CLTC: variants seen among roughly 807,000 people sequenced by gnomAD.
CLTC encodes clathrin heavy chain, also known as clathrin heavy chain 1.
In CLTC, 16 loss-of-function variants were observed where a neutral mutation model predicts 195.8. That is an observed-to-expected ratio of 0.08 (90% CI 0.06 to 0.12). The LOEUF (loss-of-function observed/expected upper bound fraction) is 0.12. CLTC is among the 10% of genes least tolerant of loss of function. The pLI is 1.00. For missense variants in CLTC, 796 were observed against 2,027.0 expected (o/e 0.39, Z 11.66); for synonymous variants, 667 against 689.4 (o/e 0.97, Z 0.51).
In CLTC at chr17:59,648,564, G is replaced by A. The variant is rs982631720; in HGVS notation, c.681+163G>A. ...TCAAATTTTGCATCTAGTGATACTT[G>A]TCTAAAATGAATAATGTTCTTTCAC... On this transcript the variant is annotated intron_variant, in intron 4 of 31. Transcript: ENST00000269122. The surrounding 1 kb of genome is among the most constrained non-coding windows in gnomAD (Gnocchi z 4.5). 4.8e-6 allele frequency: 3 copies of A among 619,466 alleles called. No homozygotes were observed. The African/African-American group carries it at 5.5e-5, about 11-fold the overall frequency. 38.4% of individuals were successfully genotyped at this position (619,466 alleles called of 1,614,324 possible). A position where few individuals can be genotyped will look rare whatever the true frequency, so the allele number is the denominator to read the frequency against.
In CLTC at chr17:59,668,768, T is replaced by C. The variant is rs367690971; in HGVS notation, c.2129-9T>C. ...CCTATGCTTAATTGTAATTACTTGT[T>C]TCTTTAAGGTCTCTTTTATTTTCTG... On this transcript the variant is annotated splice_polypyrimidine_tract_variant and intron_variant, in intron 13 of 31. Transcript: ENST00000269122. 487 of 1,582,940 alleles carry C rather than the reference T, an allele frequency of 3.1e-4. 2 individuals are homozygous for C. The highest frequency in any genetic ancestry group is 1.9e-3 in the Middle Eastern group (11 of 5,918).
In CLTC at chr17:59,681,135, C is replaced by G. The variant is rs576549373; in HGVS notation, c.3065+78C>G. 4.3e-5 allele frequency: 66 copies of G among 1,526,088 alleles called. No homozygotes were observed. The African/African-American group carries it at 7.7e-4, about 18-fold the overall frequency. 94.5% of individuals were successfully genotyped at this position (1,526,088 alleles called of 1,614,324 possible). A position where few individuals can be genotyped will look rare whatever the true frequency, so the allele number is the denominator to read the frequency against. On this transcript the variant is annotated intron_variant, in intron 19 of 31. Transcript: ENST00000269122. This position sits in a 1 kb window ranked among gnomAD's most constrained non-coding sequence, Gnocchi z 5.0. ...ATGGCCCATCAGTTTTGGGAAGGAA[C>G]AAAAAGATCAGAGAAAGTTGCCTGA...
intron 1 of CLTC, among the ~76,000 whole-genome samples, chr17:59,638,354 C>G (rs2143477766): frequency 6.6e-6 from 1 of 152,108 alleles, no homozygotes; most frequent in East Asian, 1.9e-4. Context: ...AAACAGAAGG[C>G]AATATCTGTT....
At chr17:59,670,578 C>T (rs907594599) in intron 14 of CLTC, among the ~76,000 whole-genome samples, 3 of 152,018 alleles carry the variant, frequency 2.0e-5, no homozygotes, top group African/African-American at 7.2e-5. Flanking sequence ...CTACCAGATT[C>T]TTAAATGATT....
At chr17:59,686,943 T>C (rs1327365378) in intron 30 of CLTC, 1 of 952,558 alleles carries the variant, frequency 1.0e-6, no homozygotes, top group East Asian at 1.1e-4. Context: ...TCTACCTTTT[T>C]ATGCTCAATA....
At chr17:59,686,149 CCT>C (rs1379861881) in intron 30 of CLTC, among the ~76,000 whole-genome samples, 1 of 151,470 alleles carries the variant, frequency 6.6e-6, no homozygotes, top group East Asian at 1.9e-4. Context: ...TTGTAGATTC[CCT>C]TTTATTTGGT....
At position 59,642,944 on chromosome 17, in the gene CLTC, G is replaced by C. The variant is rs2032080138; in HGVS notation, c.43-1332G>C. Reference sequence around the variant, plus strand: ...TATATCTTATTCAGAGCCTGGCCTGGTTATGTTTAAGCACTATTAGCAGAA... The same window carrying C: ...TATATCTTATTCAGAGCCTGGCCTGCTTATGTTTAAGCACTATTAGCAGAA... On this transcript the variant is annotated intron_variant, in intron 1 of 31. Coordinates refer to ENST00000269122, the MANE Select transcript of CLTC (RefSeq NM_004859.4). Among the ~76,000 whole-genome samples, 7 of 152,236 alleles carry C rather than the reference G, an allele frequency of 4.6e-5. No individual in the cohort carries two copies. The South Asian group carries it at 1.5e-3, about 32-fold the overall frequency.
Position 59,681,218 on chromosome 17 carries a change from C to T in CLTC, c.3066-77C>T, listed in dbSNP as rs548498163. 4.0e-6 allele frequency: 6 copies of T among 1,490,114 alleles called. No homozygotes were observed. Among genetic ancestry groups the T allele is most frequent in the African/African-American group, 2.8e-5 (2 of 71,382 alleles). The allele number at this position is 1,490,114 out of a possible 1,614,324, so 92.3% of individuals were successfully genotyped here. A position where few individuals can be genotyped will look rare whatever the true frequency, so the allele number is the denominator to read the frequency against. ...CTACCTCTTGAGACAAAAACCTCTC[C>T]GTTAGTCACAGTGGTTATTTTTTAT... On this transcript the variant is annotated intron_variant, in intron 19 of 31. Transcript: ENST00000269122. This position sits in a 1 kb window ranked among gnomAD's most constrained non-coding sequence, Gnocchi z 5.0.
intron 1 of CLTC, among the ~76,000 whole-genome samples, chr17:59,637,967 T>A (rs2031917684): frequency 1.5e-5 from 2 of 131,972 alleles, no homozygotes; most frequent in East Asian, 2.1e-4. Context: ...TCTCCTCACT[T>A]CCCCAACAAA....
Position 59,661,598 on chromosome 17 carries a change from G to C in CLTC, c.1323G>C (p.Gln441His). 2 of 1,614,078 alleles carry C rather than the reference G, an allele frequency of 1.2e-6. No individual in the cohort carries two copies. The highest frequency in any genetic ancestry group is 1.7e-6 in the Non-Finnish European group (2 of 1,179,996). Reference sequence around the variant, plus strand: ...TAGAGCTTTGTAGGCCTGTACTTCAGCAAGGGCGAAAACAGCTTTTGGAGA... The same window carrying C: ...TAGAGCTTTGTAGGCCTGTACTTCACCAAGGGCGAAAACAGCTTTTGGAGA... ...ESLELCRPVLQQGRKQLLEKW... is the reference protein window; with the variant it reads ...ESLELCRPVLHQGRKQLLEKW... Residue 441 changes from glutamine (Q) to histidine (H), a missense_variant, in exon 8 of 32, where the codon CAG (glutamine) becomes CAC (histidine). Coordinates refer to ENST00000269122, the MANE Select transcript of CLTC (RefSeq NM_004859.4).
chr17:59,626,032 A>T (rs1368372134), intron 1 of CLTC, among the ~76,000 whole-genome samples: 1 of 152,242 alleles, frequency 6.6e-6, no homozygotes, highest in Admixed American at 6.5e-5. Flanking sequence ...AACCAATGAC[A>T]CAATATTCAT....
chr17:59,645,113 A>G (rs934620931), intron 2 of CLTC, among the ~76,000 whole-genome samples: 2 of 152,236 alleles, frequency 1.3e-5, no homozygotes, highest in African/African-American at 4.8e-5. Context: ...GAAAGAAATT[A>G]GTGATTCATA....
chr17:59,653,053 G>T (rs1202443975), intron 5 of CLTC, among the ~76,000 whole-genome samples: 1 of 152,058 alleles, frequency 6.6e-6, no homozygotes, highest in East Asian at 1.9e-4. Context: ...TTTTTCTTCT[G>T]TTGCTTTCTC....
intron 1 of CLTC, among the ~76,000 whole-genome samples, chr17:59,621,980 A>G (rs1328607292): frequency 6.6e-6 from 1 of 152,260 alleles, no homozygotes; most frequent in Non-Finnish European, 1.5e-5. Flanking sequence ...GCAGATGTGT[A>G]GCTCACTACT....
chr17:59,657,767 CAA>C (rs995771746), intron 6 of CLTC, among the ~76,000 whole-genome samples: 20 of 60,464 alleles, frequency 3.3e-4, no homozygotes, highest in Admixed American at 3.8e-4. Context: ...GACTCTGTCT[CAA>C]AAAAAAAAAA....
intron 6 of CLTC, among the ~76,000 whole-genome samples, chr17:59,659,334 C>T (rs1216807666): frequency 6.6e-6 from 1 of 151,890 alleles, no homozygotes; most frequent in Non-Finnish European, 1.5e-5. Flanking sequence ...TTGGGGCAAG[C>T]CAGAAAATAT....
chr17:59,648,137 C>A lies in CLTC; in HGVS notation c.520-103C>A. On this transcript the variant is annotated intron_variant, in intron 3 of 31. Coordinates refer to ENST00000269122, the MANE Select transcript of CLTC (RefSeq NM_004859.4). This position sits in a 1 kb window ranked among gnomAD's most constrained non-coding sequence, Gnocchi z 4.5. ...GATGAAGTGACAAATAATTATAAAT[C>A]CTGCTAAAGATGACAAAGCATTCTA... 4.6e-6 allele frequency: 5 copies of A among 1,086,600 alleles called. No homozygotes were observed. Among genetic ancestry groups the A allele is most frequent in the South Asian group, 3.7e-5 (2 of 54,024 alleles). 67.3% of individuals were successfully genotyped at this position (1,086,600 alleles called of 1,614,324 possible).
At chr17:59,675,200 G>A (rs1406441832) in intron 16 of CLTC, among the ~76,000 whole-genome samples, 1 of 152,130 alleles carries the variant, frequency 6.6e-6, no homozygotes, top group Non-Finnish European at 1.5e-5. Context: ...ATCATGTGGT[G>A]TTTCCAACCT....
chr17:59,685,921 A>G lies in CLTC; in HGVS notation c.4827+113A>G, dbSNP rs2033173965. On this transcript the variant is annotated intron_variant, in intron 30 of 31. Coordinates refer to ENST00000269122, the MANE Select transcript of CLTC (RefSeq NM_004859.4). This position sits in a 1 kb window ranked among gnomAD's most constrained non-coding sequence, Gnocchi z 5.0. ...TTAGTAGAAGTAAGTCATTTAGTCG[A>G]TCATAAAATATTCCTGTTCTTTTGA... 4 of 795,716 alleles carry G rather than the reference A, an allele frequency of 5.0e-6. No homozygotes were observed. In the Admixed American group the frequency reaches 9.2e-5, roughly 18 times the overall value. The allele number at this position is 795,716 out of a possible 1,614,324, so 49.3% of individuals were successfully genotyped here. A position where few individuals can be genotyped will look rare whatever the true frequency, so the allele number is the denominator to read the frequency against.
Sources: gnomAD v4.1 joint callset for allele counts (sites outside exome capture counted in the v4.1 genomes callset) on GRCh38, gnomAD v4.1.1 for gene constraint, Gnocchi (gnomAD v3.1) non-coding constraint, MANE v1.5 for transcripts, NCBI Gene and HGNC (gene_info 2026-07-23, HGNC 2026-07-21) for gene names.